ANXA8: variants seen among roughly 807,000 people sequenced by gnomAD.
ANXA8 encodes the protein annexin A8, also known as VAC-beta.
Under a neutral mutation model 26.8 loss-of-function variants are expected in ANXA8, and 9 were observed. The ratio of observed to expected loss-of-function variants is 0.34; its 90% CI spans 0.20 to 0.59. ANXA8 has a LOEUF of 0.59. ANXA8 is among the 20% of genes least tolerant of loss of function. The probability of loss-of-function intolerance (pLI) is 0.84; values close to 1 mark genes in which losing one functional copy is unlikely to be tolerated. For missense variants in ANXA8, 83 were observed against 238.5 expected, an observed-to-expected ratio of 0.35 and a Z score of 4.29; for synonymous variants, 39 against 94.8, an observed-to-expected ratio of 0.41 and a Z score of 3.42.
At chr10:47,937,206 A>G in the ANXA8 span, among the ~76,000 whole-genome samples, 57 of 149,882 alleles carry the variant, frequency 3.8e-4, 1 homozygote, top group African/African-American at 1.2e-3. Flanking sequence ...CTTGTCCGAA[A>G]GAGGTGCCTG....
At chr10:47,769,338 G>T in the ANXA8 span, among the ~76,000 whole-genome samples, 3 of 150,328 alleles carry the variant, frequency 2.0e-5, no homozygotes, top group African/African-American at 7.5e-5. Flanking sequence ...TCAGAAGTCT[G>T]CTACGGGCAG....
chr10:47,952,197 C>T, the ANXA8 span, among the ~76,000 whole-genome samples: 3 of 151,696 alleles, frequency 2.0e-5, no homozygotes, highest in Non-Finnish European at 4.4e-5. Context: ...TAATGTTTTC[C>T]TCCTCAGGTT....
the ANXA8 span, among the ~76,000 whole-genome samples, chr10:47,744,431 A>AGGGGGGAAGGGGGGGGGTGGGGGGGG: frequency 5.6e-4 from 3 of 5,398 alleles, no homozygotes; most frequent in African/African-American, 9.0e-4. Flanking sequence ...GTTGGGGGGG[A>AGGGGGGAAGGGGGGGGGTGGGGGGGG]GGGGGGAAGA....
the ANXA8 span, among the ~76,000 whole-genome samples, chr10:47,697,217 T>C: frequency 6.6e-6 from 1 of 152,252 alleles, no homozygotes; most frequent in Non-Finnish European, 1.5e-5. Flanking sequence ...CCAGTCTTTG[T>C]CTTTAGGCAA....
At chr10:47,743,366 ATATACATATATATGTG>A in the ANXA8 span, among the ~76,000 whole-genome samples, 2 of 35,764 alleles carry the variant, frequency 5.6e-5, no homozygotes, top group South Asian at 1.7e-3. Context: ...ACATATATAT[ATATACATATATATGTG>A]TGTGTGTGTG....
At chr10:47,493,044 C>T in the ANXA8 span, among the ~76,000 whole-genome samples, 2 of 151,434 alleles carry the variant, frequency 1.3e-5, no homozygotes, top group Admixed American at 6.6e-5. Context: ...GCCAGTCCCC[C>T]TAGGGTGGAC....
chr10:47,936,754 C>T, the ANXA8 span, among the ~76,000 whole-genome samples: 1 of 150,798 alleles, frequency 6.6e-6, no homozygotes, highest in African/African-American at 2.4e-5. Context: ...CATATAAGCC[C>T]AAGGTCCGGG....
the ANXA8 span, among the ~76,000 whole-genome samples, chr10:47,595,527 C>T: frequency 1.3e-5 from 2 of 149,246 alleles, no homozygotes; most frequent in East Asian, 3.9e-4. Context: ...CATCTCACAA[C>T]TAATGACACT....
chr10:47,683,085 C>G, the ANXA8 span, among the ~76,000 whole-genome samples: 6 of 152,200 alleles, frequency 3.9e-5, no homozygotes, highest in Admixed American at 1.3e-4. Context: ...CTTTGAGATA[C>G]TAAATGAGCG....
At chr10:47,735,767 G>C in the ANXA8 span, among the ~76,000 whole-genome samples, 2 of 151,458 alleles carry the variant, frequency 1.3e-5, no homozygotes, top group Non-Finnish European at 2.9e-5. Context: ...AGCCTCCTAT[G>C]AGTAGCTGGG....
At chr10:47,672,678 A>C in the ANXA8 span, among the ~76,000 whole-genome samples, 3 of 152,040 alleles carry the variant, frequency 2.0e-5, no homozygotes, top group South Asian at 6.2e-4. Context: ...TGAAGGCATG[A>C]AGGGTGACTG....
the ANXA8 span, among the ~76,000 whole-genome samples, chr10:47,670,047 C>T: frequency 4.0e-5 from 6 of 151,826 alleles, no homozygotes; most frequent in Non-Finnish European, 7.4e-5. Flanking sequence ...CTGGAAGCCA[C>T]GAATGTGCTT....
the ANXA8 span, among the ~76,000 whole-genome samples, chr10:47,683,223 A>ATTTTTT: frequency 2.0e-4 from 22 of 110,600 alleles, no homozygotes; most frequent in Admixed American, 3.1e-4. Context: ...GCATTTACTA[A>ATTTTTT]TTTTTTTTTT....
At chr10:47,733,195 T>TTCTTTCTTTCTTTCTCTCTCTCTCTC in the ANXA8 span, among the ~76,000 whole-genome samples, 27 of 111,438 alleles carry the variant, frequency 2.4e-4, no homozygotes, top group Admixed American at 8.0e-4. Context: ...CTTTCTTTCT[T>TTCTTTCTTTCTTTCTCTCTCTCTCTC]TCTTTCTTTC....
the ANXA8 span, among the ~76,000 whole-genome samples, chr10:47,957,161 C>T: frequency 6.7e-6 from 1 of 150,014 alleles, no homozygotes; most frequent in African/African-American, 2.5e-5. Context: ...TCAGCTTATT[C>T]ATGATCTCTC....
chr10:47,945,602 C>T, the ANXA8 span, among the ~76,000 whole-genome samples: 2 of 143,056 alleles, frequency 1.4e-5, no homozygotes, highest in Non-Finnish European at 3.0e-5. Context: ...CAGCCTCTTC[C>T]TGGATGATGA....
the ANXA8 span, among the ~76,000 whole-genome samples, chr10:47,914,009 G>A: frequency 0.11 from 980 of 8,608 alleles, 30 homozygotes; most frequent in Non-Finnish European, 0.15. Flanking sequence ...GCAGTTCCTC[G>A]GGCTTCCTTT....
chr10:47,647,012 T>A, the ANXA8 span, among the ~76,000 whole-genome samples: 1 of 152,326 alleles, frequency 6.6e-6, no homozygotes, highest in East Asian at 1.9e-4. Flanking sequence ...ATGACCAATT[T>A]TGGCTTACGA....
At chr10:47,498,121 A>G in the ANXA8 span, among the ~76,000 whole-genome samples, 166 of 149,502 alleles carry the variant, frequency 1.1e-3, no homozygotes, top group African/African-American at 3.7e-3. Context: ...GACAAAACCA[A>G]AACTCTATAT....
Sources: gnomAD v4.1 joint callset for allele counts (sites outside exome capture counted in the v4.1 genomes callset) on GRCh38, gnomAD v4.1.1 for gene constraint, MANE v1.5 for transcripts, NCBI Gene and HGNC (gene_info 2026-07-23, HGNC 2026-07-21) for gene names.